The following GK variants were observed in gnomAD, a reference collection of about 807,000 sequenced individuals.
The protein encoded by GK is glycerol kinase.
A neutral mutation model predicts 56.4 loss-of-function variants in GK; 9 were observed. The ratio of observed to expected loss-of-function variants is 0.16; its 90% CI spans 0.10 to 0.28. The LOEUF is 0.28. Among genes scored for constraint, GK ranks in the 10% least tolerant of loss-of-function variants. GK has a pLI of 1.00. For synonymous variants in GK, 104 were observed against 144.1 expected, an observed-to-expected ratio of 0.72 and a Z score of 1.99; for missense variants, 161 against 431.4, an observed-to-expected ratio of 0.37 and a Z score of 5.55.
At chrX:30,685,008 C>G (rs1431126830) in intron 4 of GK, among the ~76,000 whole-genome samples, 3 of 112,251 alleles carry the variant, frequency 2.7e-5, no homozygotes, top group African/African-American at 6.5e-5. Flanking sequence ...GAGCTCAATC[C>G]TTTTATCTTT....
intron 3 of GK, chrX:30,674,541 A>G (rs1159939073): frequency 4.5e-6 from 1 of 220,795 alleles, no homozygotes; most frequent in Non-Finnish European, 8.5e-6. Context: ...CCATCCCCTC[A>G]TTCTCCTTTC....
chrX:30,710,493 A>C (rs1230397943), intron 13 of GK, among the ~76,000 whole-genome samples: 1 of 112,220 alleles, frequency 8.9e-6, no homozygotes, highest in Non-Finnish European at 1.9e-5. Flanking sequence ...AAACCAAAAA[A>C]CAAGGGTGGG....
chrX:30,717,582 G>A (rs73208243), intron 13 of GK, among the ~76,000 whole-genome samples: 1,179 of 110,819 alleles, frequency 0.011, 10 homozygotes, highest in Non-Finnish European at 0.017. Flanking sequence ...ACAATATATC[G>A]TCTTCTGTGC....
chrX:30,666,113 A>C (rs918064192), intron 2 of GK, among the ~76,000 whole-genome samples: 3 of 111,780 alleles, frequency 2.7e-5, no homozygotes, highest in Non-Finnish European at 5.6e-5. Context: ...TGCAAAGCTA[A>C]CCATACACCT....
chrX:30,712,069 T>G (rs1183081142), intron 13 of GK, among the ~76,000 whole-genome samples: 1 of 112,389 alleles, frequency 8.9e-6, no homozygotes, highest in Admixed American at 9.4e-5. Context: ...AGTATGTATT[T>G]TTTTGTATTT....
chrX:30,707,447 G>T, intron 11 of GK, 109 bp from the exon 12 acceptor site: 2 of 507,148 alleles, frequency 3.9e-6, no homozygotes, highest in Non-Finnish European at 6.9e-6. Flanking sequence ...AAACTATAAT[G>T]ACTTTTTTGG....
At chrX:30,702,473 C>T (rs771563500) in intron 11 of GK, among the ~76,000 whole-genome samples, 12 of 112,942 alleles carry the variant, frequency 1.1e-4, no homozygotes, top group Admixed American at 1.0e-3. Flanking sequence ...TATTGTGTTA[C>T]CTATAATGTT....
intron 1 of GK, among the ~76,000 whole-genome samples, chrX:30,656,244 C>T (rs182547903): frequency 2.7e-5 from 3 of 111,871 alleles, no homozygotes; most frequent in Non-Finnish European, 3.8e-5. Flanking sequence ...TATTACTCCA[C>T]GTTGTAATTA....
chrX:30,728,712 G>T lies in GK; in HGVS notation c.1670-20G>T. The T allele has an allele frequency of 9.0e-7, 1 of 1,113,058 alleles. No individual in the cohort carries two copies. The highest frequency in any genetic ancestry group is 1.2e-6 in the Non-Finnish European group (1 of 806,244). 91.7% of individuals were successfully genotyped at this position (1,113,058 alleles called of 1,213,427 possible). ...TATGCATGTATTATTGACATATATG[G>T]TTTTTGTTCCCCATTTCAGGTATTC... On this transcript the variant is annotated intron_variant, in intron 20 of 20. Coordinates refer to ENST00000427190, the MANE Select transcript of GK (RefSeq NM_001205019.2).
chrX:30,697,897 A>T, intron 9 of GK, 148 bp downstream of exon 9: 1 of 500,895 alleles, frequency 2.0e-6, no homozygotes, highest in Non-Finnish European at 3.6e-6. Flanking sequence ...AGCTCTAGTC[A>T]GATTTTAATT....
chrX:30,697,354 A>G (rs1019718662), intron 8 of GK, among the ~76,000 whole-genome samples: 9 of 112,043 alleles, frequency 8.0e-5, no homozygotes, highest in Non-Finnish European at 1.5e-4. Context: ...TAAGTCTGAT[A>G]AATTACAAAA....
Position 30,665,596 on chromosome X carries a change from A to G in GK, c.152+12A>G, listed in dbSNP as rs772946236. ...TTCCCAAGAGAAGGGTATGTTTCCT[A>G]ATTTAATATGTAAAGACACATTATG... On this transcript the variant is annotated intron_variant, in intron 2 of 20. Coordinates refer to ENST00000427190, the MANE Select transcript of GK (RefSeq NM_001205019.2). 7 of 958,682 alleles carry G rather than the reference A, an allele frequency of 7.3e-6. No homozygotes were observed. The African/African-American group carries it at 1.1e-4, about 16-fold the overall frequency. 79.0% of individuals were successfully genotyped at this position (958,682 alleles called of 1,213,427 possible).
chrX:30,654,944 A>G (rs945049860), intron 1 of GK, among the ~76,000 whole-genome samples: 1 of 111,773 alleles, frequency 8.9e-6, no homozygotes, highest in African/African-American at 3.3e-5. Flanking sequence ...ATATGTGTAT[A>G]TTTATACATA....
intron 13 of GK, among the ~76,000 whole-genome samples, chrX:30,712,498 C>T (rs1264640928): frequency 9.1e-6 from 1 of 109,670 alleles, no homozygotes; most frequent in Non-Finnish European, 1.9e-5. Context: ...TTAATATTTT[C>T]ATTTCTATAG....
chrX:30,662,789 T>C (rs865872426), intron 1 of GK, among the ~76,000 whole-genome samples: 26 of 94,502 alleles, frequency 2.8e-4, no homozygotes, highest in African/African-American at 4.1e-4. Flanking sequence ...CTCTCTCTCT[T>C]TCTTTCCTTC....
At chrX:30,676,790 T>C (rs16989169) in intron 3 of GK, among the ~76,000 whole-genome samples, 2,909 of 111,837 alleles carry the variant, frequency 0.026, 97 homozygotes, top group African/African-American at 0.09. Flanking sequence ...TGCCATTATA[T>C]ATTATATTTA....
chrX:30,712,885 C>G (rs1221244417), intron 13 of GK, among the ~76,000 whole-genome samples: 1 of 108,591 alleles, frequency 9.2e-6, no homozygotes, highest in Non-Finnish European at 1.9e-5. Flanking sequence ...CCACCATGCC[C>G]GGCTAATTTT....
At chrX:30,715,514 G>A (rs1007677881) in intron 13 of GK, among the ~76,000 whole-genome samples, 2 of 111,939 alleles carry the variant, frequency 1.8e-5, no homozygotes, top group Non-Finnish European at 3.8e-5. Flanking sequence ...TAGAACAAGG[G>A]CTGATTCAAA....
chrX:30,687,495 T>G (rs1451810303), intron 4 of GK: 2 of 340,126 alleles, frequency 5.9e-6, no homozygotes, highest in Non-Finnish European at 1.2e-5. Context: ...CCTGGCCATC[T>G]CTAGCGTGAA....
Sources: gnomAD v4.1 joint callset for allele counts (sites outside exome capture counted in the v4.1 genomes callset) on GRCh38, gnomAD v4.1.1 for gene constraint, MANE v1.5 for transcripts, NCBI Gene and HGNC (gene_info 2026-07-23, HGNC 2026-07-21) for gene names.